SLC35B2: variants seen among roughly 807,000 people sequenced by gnomAD.
The protein encoded by SLC35B2 is solute carrier family 35 member B2.
Under a neutral mutation model 37.9 loss-of-function variants are expected in SLC35B2, and 19 were observed. That is an observed-to-expected ratio of 0.50 (90% confidence interval 0.35 to 0.74). SLC35B2 has a LOEUF of 0.74. Among genes scored for constraint, SLC35B2 ranks in the 30% least tolerant of loss-of-function variants. SLC35B2 has a pLI of 0.01. For synonymous variants in SLC35B2, 277 were observed against 225.2 expected, an observed-to-expected ratio of 1.23 and a Z score of -2.06; for missense variants, 633 against 547.6, an observed-to-expected ratio of 1.16 and a Z score of -1.56.
In SLC35B2 at chr6:44,256,845, G is replaced by A; in HGVS notation, c.45C>T (p.Pro15=). Residue 15 remains proline, a synonymous_variant, in exon 2 of 4, where the codon CCC becomes CCT. Transcript: ENST00000393812. ...WWAVVVLAAF[P]SLGAGGETPE... is the part of the protein sequence containing the mutation. ...GAGTCTCCCCACCTGCCCCTAGGGA[G>A]GGGAACGCAGCCAGCACCACCACTG... The A allele has an allele frequency of 6.2e-7, 1 of 1,611,000 alleles. No homozygotes were observed. Among genetic ancestry groups the A allele is most frequent in the Non-Finnish European group, 8.5e-7 (1 of 1,178,666 alleles).
chr6:44,254,880 C>T lies in SLC35B2; in HGVS notation c.1125G>A (p.Gln375=), dbSNP rs758518037. ...AVFTIIMTLR[Q]AFAILLSCLL... ...GGCAGGAAAGAAGGATGGCAAAGGC[C>T]TGGCGGAGGGTCATGATGATGGTGA... The change falls in exon 4 of 4, where the codon CAG becomes CAA. Residue 375 remains glutamine (Q), a synonymous_variant. Transcript: ENST00000393812. The T allele has an allele frequency of 1.2e-6, 2 of 1,614,072 alleles. No homozygotes were observed. The highest frequency in any genetic ancestry group is 1.7e-6 in the Non-Finnish European group (2 of 1,180,042).
chr6:44,257,497 G>C lies in SLC35B2; in HGVS notation c.-87C>G. 1.7e-6 allele frequency: 2 copies of C among 1,197,572 alleles called. No individual in the cohort carries two copies. The highest frequency in any genetic ancestry group is 2.1e-6 in the Non-Finnish European group (2 of 950,800). 74.2% of individuals were successfully genotyped at this position (1,197,572 alleles called of 1,614,324 possible). ...CCTGCGCTCCCGCCGCCGCCTCCAG[G>C]AGCGGCCAGCGAGCCAGCGGCCAGC... On this transcript the variant is annotated 5_prime_UTR_variant, in exon 1 of 4. Coordinates refer to ENST00000393812, the MANE Select transcript of SLC35B2 (RefSeq NM_178148.4).
rs1307510677 is a variant in SLC35B2 at position 44,254,611 on chromosome 6, C to G, written c.*95G>C. ...GTCTGTGATACTGAGAAAACACCTG[C>G]ATTTTGCCCTTTCAGCCAGCTCCCT... is the stretch of plus-strand genomic sequence containing the variant. On this transcript the variant is annotated 3_prime_UTR_variant, in exon 4 of 4. Transcript: ENST00000393812. The G allele has an allele frequency of 7.4e-7, 1 of 1,359,754 alleles. No individual in the cohort carries two copies. Among genetic ancestry groups the G allele is most frequent in the Non-Finnish European group, 1.0e-6 (1 of 997,664 alleles). 84.2% of individuals were successfully genotyped at this position (1,359,754 alleles called of 1,614,324 possible). A position where few individuals can be genotyped will look rare whatever the true frequency, so the allele number is the denominator to read the frequency against.
chr6:44,254,678 C>A lies in SLC35B2; in HGVS notation c.*28G>T. The stretch of plus-strand genomic sequence containing the variant: ...AGGGGATGGTGGGAGGGTCCTATTT[C>A]ACTTCACCCCTCAGGCCCTTTCCAC... On this transcript the variant is annotated 3_prime_UTR_variant, in exon 4 of 4. Coordinates refer to ENST00000393812, the MANE Select transcript of SLC35B2 (RefSeq NM_178148.4). The A allele has an allele frequency of 6.3e-7, 1 of 1,577,472 alleles. No individual in the cohort carries two copies. The highest frequency in any genetic ancestry group is 8.6e-7 in the Non-Finnish European group (1 of 1,158,830).
chr6:44,255,240 TAGC>T lies in SLC35B2; in HGVS notation c.762_764del (p.Leu255del). On this transcript the variant is annotated inframe_deletion, in exon 4 of 4. Coordinates refer to ENST00000393812, the MANE Select transcript of SLC35B2 (RefSeq NM_178148.4). ...AGCTGCGGGGCTCTGGTCCGCTGGA[TAGC>T]AGAAACATGCTGACCCCAATGGAGA... 1 of 1,614,218 alleles carries T rather than the reference TAGC, an allele frequency of 6.2e-7. No individual in the cohort carries two copies. The highest frequency in any genetic ancestry group is 8.5e-7 in the Non-Finnish European group (1 of 1,180,030).
rs1377579510 is a variant in SLC35B2, at chr6:44,256,881, G to A, written c.12-3C>T. On this transcript the variant is annotated splice_polypyrimidine_tract_variant and splice_region_variant and intron_variant, in intron 1 of 3. Transcript: ENST00000393812. ...CCAGCACCACCACTGCCCACCATCT[G>A]TAAGGAAAGCGGACATAAGGATTAG... 2.5e-6 allele frequency: 4 copies of A among 1,602,884 alleles called. No homozygotes were observed. In the South Asian group the frequency reaches 4.4e-5, roughly 18 times the overall value.
chr6:44,254,843 G>C lies in SLC35B2; in HGVS notation c.1162C>G (p.His388Asp). Reference sequence around the variant, plus strand: ...AGCCCTCCCACCACAGTGACAGTGTGGCCATAGAGAAGGCAGGAAAGAAGG... The same window carrying C: ...AGCCCTCCCACCACAGTGACAGTGTCGCCATAGAGAAGGCAGGAAAGAAGG... ...AILLSCLLYGHTVTVVGGLGV... is the reference protein window; with the variant it reads ...AILLSCLLYGDTVTVVGGLGV... Residue 388 changes from histidine to aspartate, a missense_variant, in exon 4 of 4, where the codon CAC (histidine) becomes GAC (aspartate). Coordinates refer to ENST00000393812, the MANE Select transcript of SLC35B2 (RefSeq NM_178148.4). 6.2e-7 allele frequency: 1 copy of C among 1,614,180 alleles called. No homozygotes were observed. The highest frequency in any genetic ancestry group is 8.5e-7 in the Non-Finnish European group (1 of 1,180,028).
Position 44,254,784 on chromosome 6 carries a change from G to T in SLC35B2, c.1221C>A (p.Leu407=). Residue 407 remains leucine, a synonymous_variant, in exon 4 of 4, where the codon CTC becomes CTA. Coordinates refer to ENST00000393812, the MANE Select transcript of SLC35B2 (RefSeq NM_178148.4). The part of the protein sequence containing the change: ...GVAVVFAALL[L]RVYARGRLKQ... ...TTAGACGGCCCCGCGCGTAGACTCT[G>T]AGCAGGAGGGCAGCAAAGACCACAG... The T allele has an allele frequency of 6.2e-7, 1 of 1,614,170 alleles. No individual in the cohort carries two copies. Among genetic ancestry groups the T allele is most frequent in the African/African-American group, 1.3e-5 (1 of 75,032 alleles).
chr6:44,257,239 C>A, intron 1 of SLC35B2, 161 bp downstream of exon 1: 2 of 820,938 alleles, frequency 2.4e-6, no homozygotes, highest in Non-Finnish European at 3.4e-6. Context: ...CCCCAAGGAG[C>A]ACAAAACCAA....
Position 44,254,530 on chromosome 6 carries a change from T to G in SLC35B2, c.*176A>C, listed in dbSNP as rs1357540224. The G allele has an allele frequency of 1.4e-6, 1 of 704,460 alleles. No homozygotes were observed. The highest frequency in any genetic ancestry group is 1.8e-5 in the African/African-American group (1 of 55,870). 43.6% of individuals were successfully genotyped at this position (704,460 alleles called of 1,614,324 possible). The stretch of plus-strand genomic sequence containing the variant: ...AACTGCTTACTGGAAGATGGGTGAC[T>G]TAAGGCAAAAGGGAAGGCTGCCTCC... On this transcript the variant is annotated 3_prime_UTR_variant, in exon 4 of 4. Coordinates refer to ENST00000393812, the MANE Select transcript of SLC35B2 (RefSeq NM_178148.4).
At position 44,257,458 on chromosome 6, in the gene SLC35B2, C is replaced by A. The variant is rs1192037276; in HGVS notation, c.-48G>T. 7.2e-6 allele frequency: 9 copies of A among 1,243,738 alleles called. No homozygotes were observed. Among genetic ancestry groups the A allele is most frequent in the South Asian group, 7.8e-5 (2 of 25,688 alleles). The allele number at this position is 1,243,738 out of a possible 1,614,324, so 77.0% of individuals were successfully genotyped here. A position where few individuals can be genotyped will look rare whatever the true frequency, so the allele number is the denominator to read the frequency against. ...GGGGGAACCGGGGAATGCGAGTCCC[C>A]GGGCCGCGCGCCCCCTGCGCTCCCG... On this transcript the variant is annotated 5_prime_UTR_variant, in exon 1 of 4. Coordinates refer to ENST00000393812, the MANE Select transcript of SLC35B2 (RefSeq NM_178148.4).
In SLC35B2 at chr6:44,254,653, AG is replaced by A. The variant is rs1191916689; in HGVS notation, c.*52del. ...CAGCTCCCTCAGAGGTTACAGCAGA[AG>A]GGGATGGTGGGAGGGTCCTATTTCA... On this transcript the variant is annotated 3_prime_UTR_variant, in exon 4 of 4. Coordinates refer to ENST00000393812, the MANE Select transcript of SLC35B2 (RefSeq NM_178148.4). The A allele has an allele frequency of 6.5e-7, 1 of 1,543,738 alleles. No individual in the cohort carries two copies. The highest frequency in any genetic ancestry group is 1.4e-5 in the African/African-American group (1 of 73,014).
chr6:44,257,356 C>T, intron 1 of SLC35B2, 44 bp downstream of exon 1: 2 of 1,325,134 alleles, frequency 1.5e-6, no homozygotes, highest in Non-Finnish European at 1.9e-6. Flanking sequence ...GTCACGTGGC[C>T]CGGGGGCTCG....
At position 44,254,159 on chromosome 6, in the gene SLC35B2, TAA is replaced by T. The variant is rs1193457723; in HGVS notation, c.*545_*546del. The T allele has an allele frequency of 1.4e-5, 3 of 217,190 alleles. No individual in the cohort carries two copies. Among genetic ancestry groups the T allele is most frequent in the African/African-American group, 7.1e-5 (3 of 42,350 alleles). 13.5% of individuals were successfully genotyped at this position (217,190 alleles called of 1,614,324 possible). A position where few individuals can be genotyped will look rare whatever the true frequency, so the allele number is the denominator to read the frequency against. ...TTATAAGAGCAAAAAGTTACATTTC[TAA>T]AGTACCAAAACCTGCAACAGGCTCA... is the stretch of plus-strand genomic sequence containing the variant. On this transcript the variant is annotated 3_prime_UTR_variant, in exon 4 of 4. Coordinates refer to ENST00000393812, the MANE Select transcript of SLC35B2 (RefSeq NM_178148.4).
chr6:44,257,362 G>A (rs1259353791), intron 1 of SLC35B2, 38 bp downstream of exon 1: 2 of 1,324,078 alleles, frequency 1.5e-6, no homozygotes, highest in Non-Finnish European at 1.9e-6. Flanking sequence ...TGGCCCGGGG[G>A]CTCGGTCACG....
chr6:44,256,640 C>T (rs1422060925), intron 2 of SLC35B2, 45 bp downstream of exon 2: 17 of 1,612,500 alleles, frequency 1.1e-5, no homozygotes, highest in Non-Finnish European at 1.4e-5. Flanking sequence ...GGCCAAATAC[C>T]CTCTTTCCCG....
At chr6:44,256,224 A>C (rs1781479064) in intron 3 of SLC35B2, 118 bp downstream of exon 3, 1 of 1,317,180 alleles carries the variant, frequency 7.6e-7, no homozygotes, top group African/African-American at 1.5e-5. Flanking sequence ...TGCCCCTGGG[A>C]GGAGGACACG....
chr6:44,257,555 G>A (rs1781707971), upstream of SLC35B2: 1 of 761,944 alleles, frequency 1.3e-6, no homozygotes, highest in Non-Finnish European at 1.7e-6. Context: ...CTCCCTCCCC[G>A]CGGCCCCCTC....
In SLC35B2 at chr6:44,256,692, C is replaced by T; in HGVS notation, c.198G>A (p.Leu66=). The T allele has an allele frequency of 1.2e-6, 2 of 1,614,118 alleles. No homozygotes were observed. The highest frequency in any genetic ancestry group is 1.7e-6 in the Non-Finnish European group (2 of 1,180,000). ...LVQYFRRKNY[L]ETGRGLCFPL... is the part of the protein sequence containing the mutation. Reference sequence around the variant, plus strand: ...CGCCCTTTCTTCACACACCGGTCTCCAGGTAGTTCTTCCGCCTGAAGTACT... The same window carrying T: ...CGCCCTTTCTTCACACACCGGTCTCTAGGTAGTTCTTCCGCCTGAAGTACT... The change falls in exon 2 of 4, where the codon CTG becomes CTA. Residue 66 remains leucine (L), a synonymous_variant. Coordinates refer to ENST00000393812, the MANE Select transcript of SLC35B2 (RefSeq NM_178148.4).
Sources: allele counts gnomAD v4.1 joint callset, GRCh38; gene constraint gnomAD v4.1.1; transcripts MANE v1.5; gene names NCBI Gene and HGNC (gene_info 2026-07-23, HGNC 2026-07-21).